RXRA: variants seen among roughly 807,000 people sequenced by gnomAD.
RXRA encodes retinoid X receptor alpha, also known as retinoic acid receptor RXR-alpha.
Under a neutral mutation model 44.5 loss-of-function variants are expected in RXRA, and 5 were observed. The observed-to-expected ratio is 0.11, with a 90% CI of 0.06 to 0.24. The LOEUF (loss-of-function observed/expected upper bound fraction) is 0.24, where lower values mean the gene tolerates loss of function less well. RXRA is among the 10% of genes least tolerant of loss of function. RXRA has a pLI of 1.00. For missense variants in RXRA, 412 were observed against 646.5 expected (o/e 0.64, Z 3.93); for synonymous variants, 291 against 271.4 (o/e 1.07, Z -0.71).
chr9:134,379,797 G>GAGCTC (rs1830614427), intron 1 of RXRA: 1 of 985,354 alleles, frequency 1.0e-6, no homozygotes, highest in Non-Finnish European at 1.2e-6. Flanking sequence ...CCTAAGGATG[G>GAGCTC]AGCTCAGTCT....
At chr9:134,423,284 C>T (rs1831378645) in intron 6 of RXRA, 2 of 985,344 alleles carry the variant, frequency 2.0e-6, no homozygotes, top group Non-Finnish European at 2.4e-6. Context: ...TGTCCCATGT[C>T]CCCCTGGGCC....
rs1564303416 is a variant in RXRA at position 134,439,194 on chromosome 9, G to A, written c.*2580G>A. 1 of 152,342 alleles carries A rather than the reference G, an allele frequency of 6.6e-6. No individual in the cohort carries two copies. Among genetic ancestry groups the A allele is most frequent in the East Asian group, 1.9e-4 (1 of 5,190 alleles). 9.4% of individuals were successfully genotyped at this position (152,342 alleles called of 1,614,324 possible). A position where few individuals can be genotyped will look rare whatever the true frequency, so the allele number is the denominator to read the frequency against. On this transcript the variant is annotated 3_prime_UTR_variant, in exon 10 of 10. Coordinates refer to ENST00000481739, the MANE Select transcript of RXRA (RefSeq NM_002957.6). ...TTTTCTAAAGATAGCACTAACATCA[G>A]CTCATTAGCCACCTGTGCCTGTCCC...
At chr9:134,340,161 GC>G (rs1554747955) in intron 1 of RXRA, among the ~76,000 whole-genome samples, 1 of 152,100 alleles carries the variant, frequency 6.6e-6, no homozygotes, top group African/African-American at 2.4e-5. Flanking sequence ...TGTGTCTTGT[GC>G]CCCACACCTT....
chr9:134,414,210 C>T (rs1020179685), intron 4 of RXRA, among the ~76,000 whole-genome samples: 5 of 152,266 alleles, frequency 3.3e-5, no homozygotes, highest in Admixed American at 6.5e-5. Context: ...AATTAATTCT[C>T]GGCTGCCCTG....
At chr9:134,327,219 A>G (rs1443069063) in intron 1 of RXRA, among the ~76,000 whole-genome samples, 1 of 152,104 alleles carries the variant, frequency 6.6e-6, no homozygotes, top group African/African-American at 2.4e-5. Context: ...CCGGGGCTGT[A>G]TGAACAGAAC....
At chr9:134,347,506 C>T (rs1035337735) in intron 1 of RXRA, among the ~76,000 whole-genome samples, 13 of 152,192 alleles carry the variant, frequency 8.5e-5, no homozygotes, top group Non-Finnish European at 1.9e-4. Context: ...CCTGGTCAGT[C>T]AGAGCCAGCC....
chr9:134,400,319 G>A (rs1423326673), intron 1 of RXRA, among the ~76,000 whole-genome samples: 3 of 152,206 alleles, frequency 2.0e-5, no homozygotes, highest in Non-Finnish European at 4.4e-5. Context: ...GGGGAGGGGT[G>A]GAGCCAGGGG....
At chr9:134,353,793 G>A (rs528672846) in intron 1 of RXRA, among the ~76,000 whole-genome samples, 2 of 152,340 alleles carry the variant, frequency 1.3e-5, no homozygotes, top group African/African-American at 4.8e-5. Flanking sequence ...CGTTGGGGCC[G>A]TGCCTGTTGG....
chr9:134,423,486 G>A, intron 6 of RXRA: 5 of 985,482 alleles, frequency 5.1e-6, no homozygotes, highest in Non-Finnish European at 6.0e-6. Flanking sequence ...AGTTGCTTGG[G>A]TCAGGGCTGT....
intron 1 of RXRA, among the ~76,000 whole-genome samples, chr9:134,333,766 A>T (rs1223505179): frequency 6.6e-6 from 1 of 152,212 alleles, no homozygotes; most frequent in Non-Finnish European, 1.5e-5. Flanking sequence ...GAGGTCAGGC[A>T]GTGACAGCAC....
At chr9:134,410,182 G>A (rs1177097554) in intron 4 of RXRA, among the ~76,000 whole-genome samples, 1 of 152,248 alleles carries the variant, frequency 6.6e-6, no homozygotes, top group African/African-American at 2.4e-5. Context: ...CTTGGGCTGC[G>A]AGGCTGAGTG....
At chr9:134,412,391 G>A (rs931382099) in intron 4 of RXRA, among the ~76,000 whole-genome samples, 23 of 152,218 alleles carry the variant, frequency 1.5e-4, no homozygotes, top group African/African-American at 5.3e-4. Context: ...GCAGTGCTGC[G>A]AGGGAGTCGC....
intron 1 of RXRA, among the ~76,000 whole-genome samples, chr9:134,330,916 G>T (rs543713756): frequency 6.6e-6 from 1 of 152,342 alleles, no homozygotes; most frequent in South Asian, 2.1e-4. Flanking sequence ...TCTGTTTGTG[G>T]GGCGTTTCCC....
chr9:134,396,168 TCTTGTGGGC>T (rs1830875763), intron 1 of RXRA, among the ~76,000 whole-genome samples: 1 of 152,028 alleles, frequency 6.6e-6, no homozygotes, highest in South Asian at 2.1e-4. Context: ...GAGTGGTGGG[TCTTGTGGGC>T]CCAAGGGTGA....
At chr9:134,375,275 C>G (rs773560436) in intron 1 of RXRA, among the ~76,000 whole-genome samples, 2 of 152,090 alleles carry the variant, frequency 1.3e-5, no homozygotes, top group Non-Finnish European at 2.9e-5. Flanking sequence ...GGCCAGAGCG[C>G]GTGTCACTGT....
rs1014563112 is a variant in RXRA, at chr9:134,422,250, A to G, written c.910+445A>G. On this transcript the variant is annotated intron_variant, in intron 6 of 9. Transcript: ENST00000481739. ...TACTCCCCACTCCTGGGATGCTCCC[A>G]TCTCCCAGGACGCTCCCCGCTCCCA... 1.5e-5 allele frequency: 18 copies of G among 1,220,544 alleles called. No homozygotes were observed. In the African/African-American group the frequency reaches 3.9e-4, roughly 26 times the overall value. The allele number at this position is 1,220,544 out of a possible 1,614,324, so 75.6% of individuals were successfully genotyped here.
At chr9:134,411,405 G>C (rs1831146629) in intron 4 of RXRA, among the ~76,000 whole-genome samples, 1 of 152,170 alleles carries the variant, frequency 6.6e-6, no homozygotes, top group South Asian at 2.1e-4. Context: ...CAGCTCATGT[G>C]GGGGACCACC....
At chr9:134,375,414 T>C (rs1350918458) in intron 1 of RXRA, among the ~76,000 whole-genome samples, 2 of 152,082 alleles carry the variant, frequency 1.3e-5, no homozygotes, top group African/African-American at 4.8e-5. Flanking sequence ...ATGCTCTTCA[T>C]GGAGGGCAGC....
chr9:134,358,227 C>T (rs1408989875), intron 1 of RXRA, among the ~76,000 whole-genome samples: 1 of 152,222 alleles, frequency 6.6e-6, no homozygotes, highest in African/African-American at 2.4e-5. Flanking sequence ...TCCTTGGGCC[C>T]TTGCTGGAGG....
Sources: allele counts gnomAD v4.1 joint callset (sites outside exome capture counted in the v4.1 genomes callset), GRCh38; gene constraint gnomAD v4.1.1; transcripts MANE v1.5; gene names NCBI Gene and HGNC (gene_info 2026-07-23, HGNC 2026-07-21).